The following NTM variants were observed in gnomAD, a reference collection of about 807,000 sequenced individuals.
NTM encodes the protein neurotrimin.
NTM carries 13 observed loss-of-function variants against 42.1 expected under a neutral mutation model. The ratio of observed to expected loss-of-function variants is 0.31; its 90% CI spans 0.20 to 0.49. NTM has a LOEUF of 0.49. NTM is among the 20% of genes least tolerant of loss of function. The pLI is 0.99. For synonymous variants in NTM, 187 were observed against 179.2 expected (o/e 1.04, Z -0.35); for missense variants, 373 against 452.8 (o/e 0.82, Z 1.60).
chr11:131,601,131 C>A (rs1397786252), intron 1 of NTM, among the ~76,000 whole-genome samples: 2 of 152,208 alleles, frequency 1.3e-5, no homozygotes, highest in East Asian at 1.9e-4. Context: ...AGGATGGGAT[C>A]TGAGAGGGGT....
chr11:131,877,490 C>A (rs926040458), intron 1 of NTM, among the ~76,000 whole-genome samples: 1 of 152,190 alleles, frequency 6.6e-6, no homozygotes, highest in Admixed American at 6.5e-5. Flanking sequence ...AGAAACCCAG[C>A]AATTCATTCT....
intron 1 of NTM, among the ~76,000 whole-genome samples, chr11:131,548,772 C>T (rs997037338): frequency 5.3e-5 from 8 of 152,050 alleles, no homozygotes; most frequent in East Asian, 1.9e-4. Flanking sequence ...GCAGTTAGCA[C>T]GTACATGGAA....
intron 1 of NTM, among the ~76,000 whole-genome samples, chr11:131,734,148 G>T (rs789555): frequency 0.16 from 24,717 of 152,164 alleles, 2,191 homozygotes; most frequent in Middle Eastern, 0.24. Context: ...CAGGGGACAA[G>T]TCTGTGTCAA....
At chr11:131,502,170 C>T (rs1216772361) in intron 1 of NTM, among the ~76,000 whole-genome samples, 1 of 151,982 alleles carries the variant, frequency 6.6e-6, no homozygotes, top group Non-Finnish European at 1.5e-5. Flanking sequence ...AAATCCTCAC[C>T]CCCCAGAGGA....
intron 2 of NTM, among the ~76,000 whole-genome samples, chr11:131,962,228 C>T (rs1447960795): frequency 6.6e-6 from 1 of 152,108 alleles, no homozygotes; most frequent in Non-Finnish European, 1.5e-5. Context: ...CAGTTGAGGT[C>T]AGAGTAGAGG....
chr11:132,199,823 G>C (rs1229650300), intron 3 of NTM, among the ~76,000 whole-genome samples: 1 of 151,336 alleles, frequency 6.6e-6, no homozygotes, highest in Non-Finnish European at 1.5e-5. Context: ...ATTAGTTTCT[G>C]AATGATGACA....
intron 3 of NTM, among the ~76,000 whole-genome samples, chr11:132,163,796 A>AT (rs1186355536): frequency 1.3e-5 from 2 of 152,202 alleles, no homozygotes; most frequent in Admixed American, 6.5e-5. Flanking sequence ...TCTGCTGCGC[A>AT]TTGAGATACT....
At chr11:131,438,301 G>A (rs1591663867) in intron 1 of NTM, among the ~76,000 whole-genome samples, 1 of 152,150 alleles carries the variant, frequency 6.6e-6, no homozygotes, top group Non-Finnish European at 1.5e-5. Context: ...GGTGTCCTCT[G>A]TATTTCCTGA....
rs74372214 is a variant in NTM, at chr11:131,656,531, T to C, written c.83-255033T>C. On this transcript the variant is annotated intron_variant, in intron 1 of 8. Coordinates refer to ENST00000683400, the MANE Select transcript of NTM (RefSeq NM_001352005.2). Reference sequence around the variant, plus strand: ...GGACTTGACATAGGTCCTTGAGAGATGCTAAGGAGAAGGAGTTGGAGGCTT... The same window carrying C: ...GGACTTGACATAGGTCCTTGAGAGACGCTAAGGAGAAGGAGTTGGAGGCTT... 4.5e-3 allele frequency among the ~76,000 whole-genome samples: 681 copies of C among 152,310 alleles called. 7 individuals are homozygous for C. Among genetic ancestry groups the C allele is most frequent in the African/African-American group, 0.016 (649 of 41,568 alleles).
chr11:131,875,202 C>A (rs2048359960), intron 1 of NTM, among the ~76,000 whole-genome samples: 1 of 152,160 alleles, frequency 6.6e-6, no homozygotes, highest in African/African-American at 2.4e-5. Flanking sequence ...CTCACTTAAT[C>A]AAAAAATTCT....
chr11:131,425,188 C>T (rs1948003675), intron 1 of NTM, among the ~76,000 whole-genome samples: 1 of 152,102 alleles, frequency 6.6e-6, no homozygotes, highest in South Asian at 2.1e-4. Flanking sequence ...GGCTAGTTGT[C>T]TCCTTTTAAT....
At chr11:131,550,655 T>C (rs371457946) in intron 1 of NTM, among the ~76,000 whole-genome samples, 26 of 152,188 alleles carry the variant, frequency 1.7e-4, no homozygotes, top group Non-Finnish European at 2.1e-4. Flanking sequence ...TAACCCTTTT[T>C]TTCTTTATAA....
At chr11:131,750,885 C>T (rs983354007) in intron 1 of NTM, among the ~76,000 whole-genome samples, 17 of 152,256 alleles carry the variant, frequency 1.1e-4, no homozygotes, top group Non-Finnish European at 2.2e-4. Context: ...TGCCTGCTCT[C>T]TCTCCTCACC....
intron 1 of NTM, among the ~76,000 whole-genome samples, chr11:131,740,821 G>T (rs749998808): frequency 1.4e-4 from 21 of 152,140 alleles, no homozygotes; most frequent in Non-Finnish European, 2.5e-4. Context: ...CAGGCACAGT[G>T]TAATGGTCAC....
intron 3 of NTM, among the ~76,000 whole-genome samples, chr11:132,167,017 C>G (rs1274334573): frequency 1.3e-5 from 2 of 152,184 alleles, no homozygotes; most frequent in Non-Finnish European, 1.5e-5. Context: ...CTTTCCTCCT[C>G]TCACTTCCAT....
chr11:132,178,554 A>T (rs2077134578), intron 3 of NTM, among the ~76,000 whole-genome samples: 1 of 152,252 alleles, frequency 6.6e-6, no homozygotes, highest in African/African-American at 2.4e-5. Flanking sequence ...GGAAATGGTG[A>T]AATATAAATA....
chr11:131,643,747 C>T (rs890129012), intron 1 of NTM, among the ~76,000 whole-genome samples: 5 of 152,124 alleles, frequency 3.3e-5, no homozygotes, highest in African/African-American at 7.2e-5. Context: ...AGTGCAGAAA[C>T]GTGTGCTGCC....
intron 1 of NTM, among the ~76,000 whole-genome samples, chr11:131,376,431 C>T (rs1428620029): frequency 2.6e-5 from 4 of 152,174 alleles, no homozygotes; most frequent in African/African-American, 9.7e-5. Context: ...CAGAATCTCC[C>T]CTACTTAAGT....
At chr11:131,429,368 T>A (rs1948467259) in intron 1 of NTM, among the ~76,000 whole-genome samples, 1 of 152,134 alleles carries the variant, frequency 6.6e-6, no homozygotes, top group African/African-American at 2.4e-5. Context: ...CAGGGTTCTA[T>A]TTGTAAATAG....
Sources: allele counts gnomAD v4.1 joint callset (sites outside exome capture counted in the v4.1 genomes callset), GRCh38; gene constraint gnomAD v4.1.1; transcripts MANE v1.5; gene names NCBI Gene and HGNC (gene_info 2026-07-23, HGNC 2026-07-21).